GRSF1: variants seen among roughly 807,000 people sequenced by gnomAD.
GRSF1 encodes G-rich RNA sequence binding factor 1.
A neutral mutation model predicts 51.1 loss-of-function variants in GRSF1; 50 were observed. The ratio of observed to expected loss-of-function variants is 0.98; its 90% CI spans 0.78 to 1.24. The LOEUF is 1.24. Among genes scored for constraint, GRSF1 ranks in the 50% most tolerant of loss-of-function variants. GRSF1 has a pLI of 0.00. For missense variants in GRSF1, 700 were observed against 639.7 expected (o/e 1.09, Z -1.02); for synonymous variants, 293 against 253.3 (o/e 1.16, Z -1.49).
chr4:70,836,778 G>A (rs1734230160), intron 1 of GRSF1, among the ~76,000 whole-genome samples: 3 of 152,170 alleles, frequency 2.0e-5, no homozygotes, highest in Admixed American at 1.3e-4. Context: ...AGATGAATCA[G>A]GATGTGACAT....
In GRSF1 at chr4:70,820,430, A is replaced by C. The variant is rs1387678110; in HGVS notation, c.*457T>G. ...CTGAAACCGTTCTTTGCTTTGGTGA[A>C]TGTTTGGTTAAAATAAATCACTGTT... On this transcript the variant is annotated 3_prime_UTR_variant, in exon 10 of 10. Transcript: ENST00000254799. The C allele has an allele frequency of 1.3e-5, 2 of 152,604 alleles. No individual in the cohort carries two copies. Among genetic ancestry groups the C allele is most frequent in the Non-Finnish European group, 2.9e-5 (2 of 68,024 alleles). The allele number at this position is 152,604 out of a possible 1,614,324, so 9.5% of individuals were successfully genotyped here.
upstream of GRSF1, among the ~76,000 whole-genome samples, chr4:70,841,203 A>G (rs1168114479): frequency 6.6e-6 from 1 of 152,210 alleles, no homozygotes; most frequent in African/African-American, 2.4e-5. Flanking sequence ...CGATTGCTTC[A>G]GCCCAGAAGG....
intron 1 of GRSF1, among the ~76,000 whole-genome samples, 152 bp from the exon 2 acceptor site, chr4:70,836,466 T>C (rs1448743091): frequency 1.3e-5 from 2 of 152,248 alleles, no homozygotes; most frequent in Non-Finnish European, 1.5e-5. Context: ...CCATCCTGTT[T>C]TGGCTTAAAT....
In GRSF1 at chr4:70,820,316, T is replaced by C. The variant is rs1165087958; in HGVS notation, c.*571A>G. The stretch of plus-strand genomic sequence containing the variant: ...CATTTACACTAAGCTGTGGTATTTT[T>C]TGTTTTGATTTTTAAAAATTCCTAT... On this transcript the variant is annotated 3_prime_UTR_variant, in exon 10 of 10. Coordinates refer to ENST00000254799, the MANE Select transcript of GRSF1 (RefSeq NM_002092.4). 6.6e-6 allele frequency: 1 copy of C among 152,652 alleles called. No homozygotes were observed. The highest frequency in any genetic ancestry group is 1.5e-5 in the Non-Finnish European group (1 of 68,040). 9.5% of individuals were successfully genotyped at this position (152,652 alleles called of 1,614,324 possible).
At position 70,833,175 on chromosome 4, in the gene GRSF1, C is replaced by A. The variant is rs1261179257; in HGVS notation, c.613G>T (p.Asp205Tyr). The A allele has an allele frequency of 1.9e-6, 3 of 1,613,850 alleles. No homozygotes were observed. The highest frequency in any genetic ancestry group is 2.5e-6 in the Non-Finnish European group (3 of 1,179,862). Residue 205 changes from aspartate to tyrosine, a missense_variant, in exon 3 of 10, where the codon GAT becomes TAT. Transcript: ENST00000254799. ...DALIEMESEQ[D>Y]VQKALEKHRM... is the part of the protein sequence containing the mutation. ...TGCTTCTCTAAGGCTTTCTGCACAT[C>A]CTGCTCTGACTCCATTTCAATTAAG...
intron 1 of GRSF1, among the ~76,000 whole-genome samples, chr4:70,838,640 CAAG>C (rs575632182): frequency 1.5e-3 from 221 of 152,238 alleles, no homozygotes; most frequent in Middle Eastern, 6.8e-3. Context: ...TGCCACGTAC[CAAG>C]AAGAGAAAGG....
At chr4:70,830,263 AACAC>A (rs1369709667) in intron 5 of GRSF1, among the ~76,000 whole-genome samples, 1 of 152,036 alleles carries the variant, frequency 6.6e-6, no homozygotes, top group African/African-American at 2.4e-5. Context: ...CCCACCTACA[AACAC>A]ACACGCACGC....
Position 70,827,934 on chromosome 4 carries a change from A to G in GRSF1, c.1053T>C (p.Thr351=), listed in dbSNP as rs1733799969. Reference sequence around the variant, plus strand: ...GTTCTTCAAAGACCATTTCTGGCTCAGTTATATACTTAGCAGTAGGAAAAG... The same window carrying G: ...GTTCTTCAAAGACCATTTCTGGCTCGGTTATATACTTAGCAGTAGGAAAAG... ...IASFPTAKYI[T]EPEMVFEEHE... The change falls in exon 6 of 10, where the codon ACT becomes ACC. Residue 351 remains threonine, a synonymous_variant. Coordinates refer to ENST00000254799, the MANE Select transcript of GRSF1 (RefSeq NM_002092.4). 6.2e-7 allele frequency: 1 copy of G among 1,612,704 alleles called. No individual in the cohort carries two copies. Among genetic ancestry groups the G allele is most frequent in the African/African-American group, 1.3e-5 (1 of 74,924 alleles).
chr4:70,819,412 T>C lies in GRSF1; in HGVS notation c.*1475A>G, dbSNP rs1221318973. ...AGCTGGTTAAGTCATGTTCACAGGA[T>C]TTTAGAGAACACACACACGAAAATT... On this transcript the variant is annotated 3_prime_UTR_variant, in exon 10 of 10. Transcript: ENST00000254799. 6.6e-6 allele frequency: 1 copy of C among 152,124 alleles called. No homozygotes were observed. The highest frequency in any genetic ancestry group is 1.5e-5 in the Non-Finnish European group (1 of 68,022). 9.4% of individuals were successfully genotyped at this position (152,124 alleles called of 1,614,324 possible).
Position 70,836,208 on chromosome 4 carries a change from T to C in GRSF1, c.464A>G (p.Gln155Arg), listed in dbSNP as rs775148299. ...CATAGTGCATGACCAGGGCAGTCCT[T>C]GAGCTCGAATGAGAAAGACATCATC... ...EVDDVFLIRA[Q>R]GLPWSCTMED... Residue 155 changes from glutamine to arginine, a missense_variant, in exon 2 of 10, where the codon CAA becomes CGA. Coordinates refer to ENST00000254799, the MANE Select transcript of GRSF1 (RefSeq NM_002092.4). 1 of 1,609,150 alleles carries C rather than the reference T, an allele frequency of 6.2e-7. No individual in the cohort carries two copies. Among genetic ancestry groups the C allele is most frequent in the East Asian group, 2.2e-5 (1 of 44,642 alleles).
Position 70,839,714 on chromosome 4 carries a change from A to G in GRSF1, c.114T>C (p.Ser38=). 2.7e-6 allele frequency: 4 copies of G among 1,490,426 alleles called. No individual in the cohort carries two copies. The highest frequency in any genetic ancestry group is 1.5e-5 in the African/African-American group (1 of 68,432). 92.3% of individuals were successfully genotyped at this position (1,490,426 alleles called of 1,614,324 possible). ...ACLPFYSAAG[S]IPSGVSGRRR... is the part of the protein sequence containing the mutation. ...GGCGGCCCGAGACGCCCGACGGGAT[A>G]GAGCCAGCGGCGGAGTAGAAGGGCA... is the stretch of plus-strand genomic sequence containing the variant. Residue 38 remains serine (S), a synonymous_variant, in exon 1 of 10, where the codon TCT becomes TCC. Transcript: ENST00000254799.
intron 5 of GRSF1, among the ~76,000 whole-genome samples, chr4:70,829,151 A>G (rs1265687785): frequency 3.9e-5 from 6 of 152,030 alleles, no homozygotes; most frequent in Admixed American, 3.9e-4. Context: ...TCGGCCTCCC[A>G]AAGTGCTGGG....
At chr4:70,829,602 T>C (rs1228809147) in intron 5 of GRSF1, among the ~76,000 whole-genome samples, 2 of 152,186 alleles carry the variant, frequency 1.3e-5, no homozygotes, top group South Asian at 2.1e-4. Flanking sequence ...TGCAGTGAGC[T>C]GTATCACACA....
chr4:70,839,318 G>T (rs1408012675), intron 1 of GRSF1, 153 bp downstream of exon 1: 1 of 1,502,850 alleles, frequency 6.7e-7, no homozygotes, highest in Admixed American at 2.0e-5. Context: ...GGGCCCAATA[G>T]GAGCACAGGG....
intron 3 of GRSF1, 111 bp downstream of exon 3, chr4:70,833,007 T>A: frequency 1.1e-6 from 1 of 903,410 alleles, no homozygotes; most frequent in Non-Finnish European, 1.7e-6. Flanking sequence ...TATAAAAGAA[T>A]GCATTCATAC....
chr4:70,840,025 G>A (rs543162902), upstream of GRSF1: 13 of 509,896 alleles, frequency 2.5e-5, no homozygotes, highest in Middle Eastern at 1.0e-3. Flanking sequence ...GGGCGGGGCT[G>A]CCCATGGTTT....
Position 70,815,918 on chromosome 4 carries a change from A to G in GRSF1, c.*4969T>C, listed in dbSNP as rs1380748925. 6.6e-6 allele frequency: 1 copy of G among 152,208 alleles called. No individual in the cohort carries two copies. The highest frequency in any genetic ancestry group is 1.5e-5 in the Non-Finnish European group (1 of 68,040). The allele number at this position is 152,208 out of a possible 1,614,324, so 9.4% of individuals were successfully genotyped here. The stretch of plus-strand genomic sequence containing the variant: ...TACATAGAACACTGCTCAGCCATAA[A>G]AAGGAACAAAGCTTAAACACACTGA... On this transcript the variant is annotated 3_prime_UTR_variant, in exon 10 of 10. Transcript: ENST00000254799.
At chr4:70,824,398 A>G (rs185829662) in intron 8 of GRSF1, 30 bp from the exon 9 acceptor site, 15 of 1,145,250 alleles carry the variant, frequency 1.3e-5, no homozygotes, top group African/African-American at 3.0e-5. Context: ...TTAGTTTTAA[A>G]AAGTTGAAAA....
upstream of GRSF1, chr4:70,839,927 C>T (rs1734403760): frequency 9.0e-7 from 1 of 1,105,406 alleles, no homozygotes; most frequent in Non-Finnish European, 1.2e-6. Flanking sequence ...GTGTGCCTGG[C>T]ACATGCGCCG....
Sources: allele counts gnomAD v4.1 joint callset (sites outside exome capture counted in the v4.1 genomes callset), GRCh38; gene constraint gnomAD v4.1.1; transcripts MANE v1.5; gene names NCBI Gene and HGNC (gene_info 2026-07-23, HGNC 2026-07-21).